Variants in LINGO2 observed in about 807,000 individuals in gnomAD.
The protein encoded by LINGO2 is leucine rich repeat and Ig domain containing 2.
A neutral mutation model predicts 30.6 loss-of-function variants in LINGO2; 14 were observed. The ratio of observed to expected loss-of-function variants is 0.46; its 90% confidence interval spans 0.30 to 0.72. The LOEUF (loss-of-function observed/expected upper bound fraction) is 0.72. Ranked by LOEUF, LINGO2 falls within the 30% of genes least tolerant of loss-of-function variation. The pLI is 0.07. For synonymous variants in LINGO2, 317 were observed against 288.5 expected (o/e 1.10, Z -1.00); for missense variants, 729 against 751.7 (o/e 0.97, Z 0.35).
At chr9:28,491,033 C>G (rs1459870084) in intron 1 of LINGO2, among the ~76,000 whole-genome samples, 4 of 152,154 alleles carry the variant, frequency 2.6e-5, no homozygotes, top group African/African-American at 9.7e-5. Flanking sequence ...ATGAATAATT[C>G]TTAACAGTGG....
At chr9:28,399,047 T>C (rs1822161751) in intron 2 of LINGO2, among the ~76,000 whole-genome samples, 1 of 152,114 alleles carries the variant, frequency 6.6e-6, no homozygotes, top group South Asian at 2.1e-4. Context: ...TTTGGGGAGT[T>C]TGGCAGCATC....
intron 2 of LINGO2, among the ~76,000 whole-genome samples, chr9:28,403,285 T>C (rs1822348188): frequency 6.6e-6 from 1 of 152,090 alleles, no homozygotes; most frequent in Non-Finnish European, 1.5e-5. Flanking sequence ...CTGTAGGAGA[T>C]GAATGGAGAG....
the LINGO2 span, among the ~76,000 whole-genome samples, chr9:28,708,934 A>G: frequency 6.6e-6 from 1 of 152,146 alleles, no homozygotes; most frequent in African/African-American, 2.4e-5. Context: ...TGCAACCAAC[A>G]AACAATGTAT....
chr9:28,014,291 T>C (rs1822711063), intron 4 of LINGO2, among the ~76,000 whole-genome samples: 1 of 152,178 alleles, frequency 6.6e-6, no homozygotes, highest in South Asian at 2.1e-4. Flanking sequence ...TAATGACTAA[T>C]GGTTTTTCAT....
In LINGO2 at chr9:28,414,163, T is replaced by TA. The variant is rs549368362; in HGVS notation, c.-278-41296dup. On this transcript the variant is annotated intron_variant, in intron 2 of 5. Transcript: ENST00000379992. ...TATTCTAGGCTTCTAGCTATCAAAATAAAAAATAATAAGACTTTCAGAACT... is the reference window on the plus strand; with the variant it reads ...TATTCTAGGCTTCTAGCTATCAAAATAAAAAAATAATAAGACTTTCAGAACT... Among the ~76,000 whole-genome samples the TA allele has an allele frequency of 1.6e-3, 250 of 152,006 alleles. 1 individual carries two copies. Among genetic ancestry groups the TA allele is most frequent in the African/African-American group, 5.8e-3 (242 of 41,506 alleles).
chr9:28,397,221 G>T (rs1484292679), intron 2 of LINGO2, among the ~76,000 whole-genome samples: 1 of 151,910 alleles, frequency 6.6e-6, no homozygotes, highest in Non-Finnish European at 1.5e-5. Context: ...GGCAGTAAAA[G>T]TAGAATAGGA....
chr9:29,140,803 G>A, the LINGO2 span, among the ~76,000 whole-genome samples: 554 of 151,878 alleles, frequency 3.6e-3, 2 homozygotes, highest in African/African-American at 0.013. Flanking sequence ...CACATATAAG[G>A]GAGGCTCCAT....
chr9:28,582,665 A>T (rs1824316829), intron 1 of LINGO2, among the ~76,000 whole-genome samples: 1 of 152,034 alleles, frequency 6.6e-6, no homozygotes, highest in Non-Finnish European at 1.5e-5. Context: ...AAATCCATCA[A>T]TTCTTGAACA....
At chr9:29,105,507 T>TA in the LINGO2 span, among the ~76,000 whole-genome samples, 3 of 152,154 alleles carry the variant, frequency 2.0e-5, no homozygotes, top group Non-Finnish European at 4.4e-5. Flanking sequence ...TCCGAGCAGT[T>TA]TACTAAGACT....
intron 1 of LINGO2, among the ~76,000 whole-genome samples, chr9:28,558,080 G>T (rs1822839386): frequency 1.3e-5 from 2 of 150,618 alleles, no homozygotes; most frequent in Non-Finnish European, 2.9e-5. Context: ...ACACCAGCAT[G>T]GCACATGTAT....
At chr9:28,773,945 G>A in the LINGO2 span, among the ~76,000 whole-genome samples, 7 of 151,876 alleles carry the variant, frequency 4.6e-5, no homozygotes, top group Non-Finnish European at 7.4e-5. Context: ...ATATAACTGA[G>A]GAATTGGTAT....
the LINGO2 span, among the ~76,000 whole-genome samples, chr9:28,901,831 G>A: frequency 1.3e-5 from 2 of 151,982 alleles, no homozygotes; most frequent in African/African-American, 2.4e-5. Flanking sequence ...TTATTAAAAT[G>A]GCAGTAGTAA....
the LINGO2 span, among the ~76,000 whole-genome samples, chr9:29,104,376 T>C: frequency 0.24 from 35,811 of 151,776 alleles, 4,352 homozygotes; most frequent in East Asian, 0.4. Context: ...TCTCCTGCTC[T>C]GCCATGGTAA....
intron 1 of LINGO2, among the ~76,000 whole-genome samples, chr9:28,490,042 C>T (rs893866484): frequency 2.7e-5 from 4 of 150,650 alleles, no homozygotes; most frequent in East Asian, 2.0e-4. Flanking sequence ...AATCAAAGAG[C>T]AAGAAAGTGC....
the LINGO2 span, among the ~76,000 whole-genome samples, chr9:29,087,924 G>A: frequency 6.6e-6 from 1 of 152,050 alleles, no homozygotes; most frequent in African/African-American, 2.4e-5. Context: ...ACCTCATAAA[G>A]ATTAAGTGTA....
intron 2 of LINGO2, among the ~76,000 whole-genome samples, chr9:28,444,279 G>A (rs1262401789): frequency 2.6e-5 from 4 of 152,214 alleles, no homozygotes; most frequent in African/African-American, 9.6e-5. Flanking sequence ...GAAGAGTGGT[G>A]ACCCTTCTGG....
chr9:28,291,554 A>G (rs1423102948), intron 4 of LINGO2, among the ~76,000 whole-genome samples: 4 of 152,220 alleles, frequency 2.6e-5, no homozygotes, highest in African/African-American at 9.6e-5. Flanking sequence ...GAATTTCTAG[A>G]ATGGAATAAT....
chr9:28,959,088 AC>A, the LINGO2 span, among the ~76,000 whole-genome samples: 1 of 152,028 alleles, frequency 6.6e-6, no homozygotes, highest in Admixed American at 6.6e-5. Flanking sequence ...AGTGCCTGTC[AC>A]CCTGCATGTA....
At chr9:29,037,687 G>A in the LINGO2 span, among the ~76,000 whole-genome samples, 4 of 151,774 alleles carry the variant, frequency 2.6e-5, no homozygotes, top group African/African-American at 7.3e-5. Flanking sequence ...TATTGGTAAC[G>A]GAAGTTCCAT....
Sources: gnomAD v4.1 joint callset for allele counts (sites outside exome capture counted in the v4.1 genomes callset) on GRCh38, gnomAD v4.1.1 for gene constraint, MANE v1.5 for transcripts, NCBI Gene and HGNC (gene_info 2026-07-23, HGNC 2026-07-21) for gene names.